Variants in XYLT1 observed in about 807,000 individuals in gnomAD.
The protein encoded by XYLT1 is beta-D-xylosyltransferase 1.
A neutral mutation model predicts 91.3 loss-of-function variants in XYLT1; 36 were observed. That is an observed-to-expected ratio of 0.39 (90% CI 0.30 to 0.52). XYLT1 has a LOEUF of 0.52. Among genes scored for constraint, XYLT1 ranks in the 20% least tolerant of loss-of-function variants. The pLI is 0.68. For synonymous variants in XYLT1, 588 were observed against 532.0 expected, an observed-to-expected ratio of 1.11 and a Z score of -1.45; for missense variants, 1,242 against 1,284.5, an observed-to-expected ratio of 0.97 and a Z score of 0.51.
intron 2 of XYLT1, among the ~76,000 whole-genome samples, chr16:17,299,900 G>A (rs953857467): frequency 6.6e-6 from 1 of 152,098 alleles, no homozygotes; most frequent in African/African-American, 2.4e-5. Context: ...CTTTATTAAC[G>A]ACCCTTTTTC....
intron 1 of XYLT1, among the ~76,000 whole-genome samples, chr16:17,409,751 T>C (rs373523802): frequency 4.6e-5 from 7 of 152,108 alleles, no homozygotes; most frequent in African/African-American, 1.4e-4. Context: ...GGTTTCACCA[T>C]GTTGGCCATG....
At chr16:17,287,477 C>T (rs989379346) in intron 2 of XYLT1, among the ~76,000 whole-genome samples, 12 of 152,182 alleles carry the variant, frequency 7.9e-5, no homozygotes, top group African/African-American at 2.7e-4. Context: ...TCCTTGCAGC[C>T]GGTACCGCAT....
At chr16:17,314,451 C>T (rs935288836) in intron 2 of XYLT1, among the ~76,000 whole-genome samples, 2 of 152,214 alleles carry the variant, frequency 1.3e-5, no homozygotes, top group Non-Finnish European at 2.9e-5. Flanking sequence ...ATATGCACTA[C>T]AGGCTTCCCT....
At chr16:17,271,977 C>T (rs944574450) in intron 2 of XYLT1, among the ~76,000 whole-genome samples, 2 of 151,972 alleles carry the variant, frequency 1.3e-5, no homozygotes, top group African/African-American at 2.4e-5. Flanking sequence ...CCAGAGGGGA[C>T]AGAGGGAGGA....
chr16:17,443,535 T>G (rs1346740261), intron 1 of XYLT1, among the ~76,000 whole-genome samples: 4 of 152,214 alleles, frequency 2.6e-5, no homozygotes, highest in African/African-American at 9.6e-5. Context: ...CCACCATGAT[T>G]GTAAGTTTCC....
intron 2 of XYLT1, among the ~76,000 whole-genome samples, chr16:17,313,355 G>A (rs1245268162): frequency 6.6e-6 from 1 of 152,184 alleles, no homozygotes; most frequent in East Asian, 1.9e-4. Flanking sequence ...AGGACATCCA[G>A]TAAAGCTGTA....
At chr16:17,469,110 G>A (rs1038425660) in intron 1 of XYLT1, among the ~76,000 whole-genome samples, 1 of 152,148 alleles carries the variant, frequency 6.6e-6, no homozygotes, top group Non-Finnish European at 1.5e-5. Flanking sequence ...TCACGTCTTG[G>A]GACTGGCTCA....
intron 1 of XYLT1, among the ~76,000 whole-genome samples, chr16:17,442,039 T>C (rs975315707): frequency 2.0e-5 from 3 of 152,062 alleles, no homozygotes; most frequent in Middle Eastern, 3.2e-3. Context: ...CCCCCATGTA[T>C]GGTGAGCTCC....
intron 2 of XYLT1, among the ~76,000 whole-genome samples, chr16:17,337,729 G>A (rs1028680798): frequency 2.7e-5 from 4 of 148,872 alleles, no homozygotes; most frequent in East Asian, 3.9e-4. Context: ...ACACATTCCC[G>A]ATCTTATTTT....
At chr16:17,465,294 T>G (rs2141963817) in intron 1 of XYLT1, among the ~76,000 whole-genome samples, 1 of 151,940 alleles carries the variant, frequency 6.6e-6, no homozygotes, top group East Asian at 2.0e-4. Flanking sequence ...GTTCTGCTAC[T>G]CCCCAGCTCT....
At chr16:17,273,448 G>A (rs2033924877) in intron 2 of XYLT1, among the ~76,000 whole-genome samples, 1 of 152,168 alleles carries the variant, frequency 6.6e-6, no homozygotes, top group African/African-American at 2.4e-5. Flanking sequence ...TGCATCACCT[G>A]GGAACGTGTT....
intron 1 of XYLT1, among the ~76,000 whole-genome samples, chr16:17,429,939 T>C (rs888751691): frequency 6.7e-6 from 1 of 148,690 alleles, no homozygotes; most frequent in South Asian, 2.2e-4. Context: ...ATAATTTTTT[T>C]TTTTTTTTTT....
At chr16:17,390,657 G>C (rs1296132056) in intron 1 of XYLT1, among the ~76,000 whole-genome samples, 1 of 152,212 alleles carries the variant, frequency 6.6e-6, no homozygotes, top group African/African-American at 2.4e-5. Context: ...GAGACATTTA[G>C]TTTATACTTT....
At chr16:17,217,370 T>TA (rs1050914156) in intron 3 of XYLT1, among the ~76,000 whole-genome samples, 5 of 152,168 alleles carry the variant, frequency 3.3e-5, no homozygotes, top group Non-Finnish European at 5.9e-5. Context: ...CAATATGAAG[T>TA]AAAAAAAAAC....
chr16:17,249,035 A>T (rs2033492339), intron 3 of XYLT1, among the ~76,000 whole-genome samples: 1 of 151,938 alleles, frequency 6.6e-6, no homozygotes, highest in Admixed American at 6.6e-5. Context: ...TGCACATTTT[A>T]ATGATCGTTT....
At chr16:17,216,318 C>T (rs1208922312) in intron 3 of XYLT1, among the ~76,000 whole-genome samples, 1 of 152,152 alleles carries the variant, frequency 6.6e-6, no homozygotes, top group Non-Finnish European at 1.5e-5. Context: ...AGGGTTTTGA[C>T]AACAGGTTTA....
intron 2 of XYLT1, chr16:17,338,629 CT>C: frequency 7.0e-5 from 27 of 384,148 alleles, no homozygotes; most frequent in Admixed American, 2.5e-4. Flanking sequence ...CACATTCACC[CT>C]TTTTTTTGGG....
chr16:17,432,772 A>G (rs1384966739), intron 1 of XYLT1, among the ~76,000 whole-genome samples: 1 of 152,106 alleles, frequency 6.6e-6, no homozygotes, highest in African/African-American at 2.4e-5. Context: ...GATCCTGTAG[A>G]CTGCAATAAA....
At chr16:17,124,966 A>G (rs368106688) in intron 10 of XYLT1, among the ~76,000 whole-genome samples, 33 of 152,164 alleles carry the variant, frequency 2.2e-4, no homozygotes, top group East Asian at 5.8e-4. Context: ...TATTTAGGCT[A>G]TATTTCACTG....
Sources: allele counts gnomAD v4.1 joint callset (sites outside exome capture counted in the v4.1 genomes callset), GRCh38; gene constraint gnomAD v4.1.1; transcripts MANE v1.5; gene names NCBI Gene and HGNC (gene_info 2026-07-23, HGNC 2026-07-21).